PIEZO2: variants seen among roughly 807,000 people sequenced by gnomAD.
PIEZO2 encodes piezo type mechanosensitive ion channel component 2.
In PIEZO2, 172 loss-of-function variants were observed where a neutral mutation model predicts 337.3. That is an observed-to-expected ratio of 0.51 (90% CI 0.45 to 0.58). The LOEUF (loss-of-function observed/expected upper bound fraction) is 0.58, where lower values mean the gene tolerates loss of function less well. Among genes scored for constraint, PIEZO2 ranks in the 20% least tolerant of loss-of-function variants. The probability of loss-of-function intolerance (pLI) is 0.00; values close to 1 mark genes in which losing one functional copy is unlikely to be tolerated. For missense variants in PIEZO2, 3,028 were observed against 3,391.3 expected (o/e 0.89, Z 2.66); for synonymous variants, 1,251 against 1,228.5 (o/e 1.02, Z -0.38).
At chr18:10,961,416 T>C (rs1371240163) in intron 3 of PIEZO2, among the ~76,000 whole-genome samples, 1 of 151,882 alleles carries the variant, frequency 6.6e-6, no homozygotes, top group Non-Finnish European at 1.5e-5. Context: ...TGTGGGGAAG[T>C]GTGGGAGGAG....
chr18:10,740,136 C>T (rs1206765074), intron 33 of PIEZO2: 3 of 152,142 alleles, frequency 2.0e-5, no homozygotes, highest in Non-Finnish European at 4.4e-5. Context: ...AATAATTATT[C>T]AATATTCTAT....
At position 11,143,631 on chromosome 18, in the gene PIEZO2, A is replaced by T. The variant is rs867980792; in HGVS notation, c.64+4894T>A. ...CACACACACACACACACACACACAC[A>T]CACACACACTCTCTCTCTCTCTCTC... On this transcript the variant is annotated intron_variant, in intron 1 of 55. Transcript: ENST00000674853. The surrounding 1 kb of genome is among the most constrained non-coding windows in gnomAD (Gnocchi z 4.9). 0.043 allele frequency among the ~76,000 whole-genome samples: 2,708 copies of T among 63,224 alleles called. 34 individuals are homozygous for T. Among genetic ancestry groups the T allele is most frequent in the East Asian group, 0.14 (222 of 1,638 alleles). 41.5% of individuals were successfully genotyped at this position (63,224 alleles called of 152,430 possible).
At chr18:10,911,774 A>ACAAC (rs370961264) in intron 3 of PIEZO2, among the ~76,000 whole-genome samples, 9 of 150,262 alleles carry the variant, frequency 6.0e-5, no homozygotes, top group African/African-American at 1.2e-4. Flanking sequence ...AAACAAAACA[A>ACAAC]AACAACAACA....
At position 11,146,711 on chromosome 18, in the gene PIEZO2, G is replaced by A. The variant is rs1340590454; in HGVS notation, c.64+1814C>T. Among the ~76,000 whole-genome samples, 1 of 152,222 alleles carries A rather than the reference G, an allele frequency of 6.6e-6. No individual in the cohort carries two copies. The highest frequency in any genetic ancestry group is 1.5e-5 in the Non-Finnish European group (1 of 68,050). ...GCAAGGTCGCAGGCAATCGCTGCTGGCACTTCATTCCGCCACTGGTGCCAA... is the reference window on the plus strand; with the variant it reads ...GCAAGGTCGCAGGCAATCGCTGCTGACACTTCATTCCGCCACTGGTGCCAA... On this transcript the variant is annotated intron_variant, in intron 1 of 55. Transcript: ENST00000674853. This position sits in a 1 kb window ranked among gnomAD's most constrained non-coding sequence, Gnocchi z 6.1.
At chr18:10,797,968 C>G (rs1568070037) in intron 11 of PIEZO2, among the ~76,000 whole-genome samples, 1 of 152,200 alleles carries the variant, frequency 6.6e-6, no homozygotes, top group African/African-American at 2.4e-5. Context: ...TATTCTCTCA[C>G]CTGCTTGTCC....
chr18:11,082,317 C>A (rs957565288), intron 1 of PIEZO2, among the ~76,000 whole-genome samples: 49 of 134,156 alleles, frequency 3.7e-4, no homozygotes, highest in African/African-American at 1.4e-3. Context: ...ATATTTTTTT[C>A]TTTTTCTTTT....
intron 52 of PIEZO2, among the ~76,000 whole-genome samples, chr18:10,679,267 C>T (rs1455499345): frequency 1.3e-5 from 2 of 152,130 alleles, no homozygotes; most frequent in East Asian, 1.9e-4. Context: ...CAAACTTCAG[C>T]CTTTGGTGAA....
In PIEZO2 at chr18:10,705,400, G is replaced by A; in HGVS notation, c.5935C>T (p.Leu1979=). ...VSPDDSRTDK[L]GSSILPPLTH... The stretch of plus-strand genomic sequence containing the variant: ...AGGGGAGGTAAGATGCTGGACCCCA[G>A]CTTGTCGGTGCGGCTGTCGTCCGGG... The change falls in exon 41 of 56, where the codon CTG becomes TTG. Residue 1979 remains leucine, a synonymous_variant. Coordinates refer to ENST00000674853, the MANE Select transcript of PIEZO2 (RefSeq NM_001378183.1). 1 of 1,537,252 alleles carries A rather than the reference G, an allele frequency of 6.5e-7. No homozygotes were observed. The highest frequency in any genetic ancestry group is 8.7e-7 in the Non-Finnish European group (1 of 1,146,916).
chr18:11,065,524 T>C (rs1335970570), intron 2 of PIEZO2, among the ~76,000 whole-genome samples: 1 of 152,248 alleles, frequency 6.6e-6, no homozygotes, highest in Non-Finnish European at 1.5e-5. Flanking sequence ...CCACTTTATA[T>C]TCCATGCCTT....
intron 2 of PIEZO2, among the ~76,000 whole-genome samples, chr18:11,026,002 C>G (rs943854770): frequency 6.6e-6 from 1 of 152,128 alleles, no homozygotes; most frequent in Non-Finnish European, 1.5e-5. Flanking sequence ...TCTGAAGTCC[C>G]CTTTTCAGAG....
chr18:11,046,990 C>G (rs777480311), intron 2 of PIEZO2, among the ~76,000 whole-genome samples: 1 of 152,224 alleles, frequency 6.6e-6, no homozygotes, highest in Non-Finnish European at 1.5e-5. Flanking sequence ...CTAGCCCACT[C>G]ATGGGACTCC....
At chr18:10,826,267 G>A (rs537827848) in intron 7 of PIEZO2, among the ~76,000 whole-genome samples, 94 of 152,254 alleles carry the variant, frequency 6.2e-4, no homozygotes, top group Non-Finnish European at 9.7e-4. Context: ...GTGCATATAC[G>A]CAGATATAGA....
rs116974429 is a variant in PIEZO2, at chr18:11,107,763, G to C, written c.64+40762C>G. 9.2e-5 allele frequency among the ~76,000 whole-genome samples: 14 copies of C among 152,258 alleles called. No homozygotes were observed. The South Asian group carries it at 2.5e-3, about 27-fold the overall frequency. ...TCATAAGGTAATTTTACATTAGGAC[G>C]ACAGGGTTGGAAGTATGATTTAATT... is the stretch of plus-strand genomic sequence containing the variant. On this transcript the variant is annotated intron_variant, in intron 1 of 55. Coordinates refer to ENST00000674853, the MANE Select transcript of PIEZO2 (RefSeq NM_001378183.1).
chr18:11,128,514 T>G lies in PIEZO2; in HGVS notation c.64+20011A>C, dbSNP rs1162528594. 2.0e-5 allele frequency among the ~76,000 whole-genome samples: 3 copies of G among 152,156 alleles called. No homozygotes were observed. In the East Asian group the frequency reaches 5.8e-4, roughly 29 times the overall value. ...CTGAGTTTGTAAACTCTGATGAACC[T>G]TTTTTGCCAGAAGGAACAGCTTCCC... On this transcript the variant is annotated intron_variant, in intron 1 of 55. Coordinates refer to ENST00000674853, the MANE Select transcript of PIEZO2 (RefSeq NM_001378183.1). This position sits in a 1 kb window ranked among gnomAD's most constrained non-coding sequence, Gnocchi z 4.1.
chr18:10,956,352 A>G (rs1397585072), intron 3 of PIEZO2, among the ~76,000 whole-genome samples: 1 of 152,196 alleles, frequency 6.6e-6, no homozygotes, highest in East Asian at 1.9e-4. Flanking sequence ...TACACTGAAA[A>G]CTATAAAACA....
Position 11,048,351 on chromosome 18 carries a change from G to C in PIEZO2, c.160+17776C>G, listed in dbSNP as rs951296668. Among the ~76,000 whole-genome samples, 1 of 152,212 alleles carries C rather than the reference G, an allele frequency of 6.6e-6. No homozygotes were observed. Among genetic ancestry groups the C allele is most frequent in the African/African-American group, 2.4e-5 (1 of 41,460 alleles). Reference sequence around the variant, plus strand: ...TTACTCATGGCTCTGGGGCCAAGCGGACTGCCTGGCCCATTTCAGACACTC... The same window carrying C: ...TTACTCATGGCTCTGGGGCCAAGCGCACTGCCTGGCCCATTTCAGACACTC... On this transcript the variant is annotated intron_variant, in intron 2 of 55. Coordinates refer to ENST00000674853, the MANE Select transcript of PIEZO2 (RefSeq NM_001378183.1). This position sits in a 1 kb window ranked among gnomAD's most constrained non-coding sequence, Gnocchi z 4.5.
At chr18:10,999,605 A>G (rs1221428323) in intron 2 of PIEZO2, among the ~76,000 whole-genome samples, 1 of 152,132 alleles carries the variant, frequency 6.6e-6, no homozygotes, top group Non-Finnish European at 1.5e-5. Context: ...ATATTATGCC[A>G]TTTTATATAA....
intron 45 of PIEZO2, among the ~76,000 whole-genome samples, chr18:10,696,785 C>T (rs2035110250): frequency 6.6e-6 from 1 of 152,352 alleles, no homozygotes; most frequent in African/African-American, 2.4e-5. Context: ...GCCCTCTCCT[C>T]TTGCTTGAAG....
rs2035628444 is a variant in PIEZO2 at position 11,003,810 on chromosome 18, C to T, written c.161-24150G>A. 6.6e-6 allele frequency among the ~76,000 whole-genome samples: 1 copy of T among 152,218 alleles called. No homozygotes were observed. Among genetic ancestry groups the T allele is most frequent in the Non-Finnish European group, 1.5e-5 (1 of 68,044 alleles). The stretch of plus-strand genomic sequence containing the variant: ...ACCTGGGGAGAACAAGCAAACTCCA[C>T]ATGGGGGTGGACCTGGAAACAAAGT... On this transcript the variant is annotated intron_variant, in intron 2 of 55. Transcript: ENST00000674853. This position sits in a 1 kb window ranked among gnomAD's most constrained non-coding sequence, Gnocchi z 4.6.
Sources: gnomAD v4.1 joint callset for allele counts (sites outside exome capture counted in the v4.1 genomes callset) on GRCh38, gnomAD v4.1.1 for gene constraint, Gnocchi (gnomAD v3.1) non-coding constraint, MANE v1.5 for transcripts, NCBI Gene and HGNC (gene_info 2026-07-23, HGNC 2026-07-21) for gene names.